SLC22A4: variants seen among roughly 807,000 people sequenced by gnomAD.
The protein encoded by SLC22A4 is ET transporter.
A neutral mutation model predicts 56.6 loss-of-function variants in SLC22A4; 39 were observed. That is an observed-to-expected ratio of 0.69 (90% CI 0.53 to 0.90). The LOEUF is 0.90. SLC22A4 is among the 40% of genes least tolerant of loss of function. The probability of loss-of-function intolerance (pLI) is 0.00; values close to 1 mark genes in which losing one functional copy is unlikely to be tolerated. For missense variants in SLC22A4, 594 were observed against 696.5 expected (o/e 0.85, Z 1.66); for synonymous variants, 241 against 281.4 (o/e 0.86, Z 1.44).
At chr5:132,333,860 C>T (rs1750937170) in intron 6 of SLC22A4, among the ~76,000 whole-genome samples, 1 of 152,060 alleles carries the variant, frequency 6.6e-6, no homozygotes, top group Non-Finnish European at 1.5e-5. Context: ...GCCTGGAGTG[C>T]AATGGTGCGA....
intron 1 of SLC22A4, among the ~76,000 whole-genome samples, chr5:132,298,353 G>A (rs527742676): frequency 2.0e-5 from 3 of 152,330 alleles, no homozygotes; most frequent in East Asian, 1.9e-4. Context: ...AGGAGACTAC[G>A]CTTAGTGAAA....
At chr5:132,328,577 AAAC>A (rs4646197) in intron 5 of SLC22A4, among the ~76,000 whole-genome samples, 12,670 of 150,172 alleles carry the variant, frequency 0.084, 657 homozygotes, top group East Asian at 0.27. Flanking sequence ...TAAATGGATA[AAAC>A]AACAACAACA....
At chr5:132,342,411 C>G (rs1392402230) in intron 9 of SLC22A4, among the ~76,000 whole-genome samples, 1 of 152,160 alleles carries the variant, frequency 6.6e-6, no homozygotes, top group Non-Finnish European at 1.5e-5. Flanking sequence ...AATTCAACAT[C>G]TTTTTTTGGC....
chr5:132,296,917 C>G (rs1290995112), intron 1 of SLC22A4, among the ~76,000 whole-genome samples: 1 of 152,194 alleles, frequency 6.6e-6, no homozygotes, highest in Non-Finnish European at 1.5e-5. Context: ...TCACAGGGAC[C>G]TCTAAGGATG....
In SLC22A4 at chr5:132,294,588, T is replaced by C. The variant is rs909118677; in HGVS notation, c.-29T>C. The stretch of plus-strand genomic sequence containing the variant: ...CTGAGAACGCTGTCATCACCCGTAG[T>C]TGCAAGTTTCGGAGCGGCAGTGGGA... On this transcript the variant is annotated 5_prime_UTR_variant, in exon 1 of 10. Coordinates refer to ENST00000200652, the MANE Select transcript of SLC22A4 (RefSeq NM_003059.3). The surrounding 1 kb of genome is among the most constrained non-coding windows in gnomAD (Gnocchi z 5.6). 1.2e-6 allele frequency: 2 copies of C among 1,613,954 alleles called. No individual in the cohort carries two copies. Among genetic ancestry groups the C allele is most frequent in the African/African-American group, 2.7e-5 (2 of 74,936 alleles).
chr5:132,325,116 T>C (rs1429553414), intron 4 of SLC22A4, among the ~76,000 whole-genome samples: 1 of 152,158 alleles, frequency 6.6e-6, no homozygotes, highest in East Asian at 1.9e-4. Context: ...AATTTCTAGC[T>C]GATTAAACAT....
rs889078678 is a variant in SLC22A4, at chr5:132,294,880, C to T, written c.264C>T (p.Thr88=). The change falls in exon 1 of 10, where the codon ACC becomes ACT. Residue 88 remains threonine, a synonymous_variant. Transcript: ENST00000200652. The surrounding 1 kb of genome is among the most constrained non-coding windows in gnomAD (Gnocchi z 5.6). ...PHSCSRYRLA[T]IANFSALGLE... ...GCTGCAGCCGCTACCGGCTCGCCAC[C>T]ATCGCCAACTTCTCGGCGCTCGGGC... 90 of 1,601,264 alleles carry T rather than the reference C, an allele frequency of 5.6e-5. No homozygotes were observed. In the African/African-American group the frequency reaches 9.9e-4, roughly 18 times the overall value.
At chr5:132,331,673 T>A in intron 5 of SLC22A4, 83 bp from the exon 6 acceptor site, 1 of 963,394 alleles carries the variant, frequency 1.0e-6, no homozygotes. Context: ...GTTGCATGCA[T>A]AAGTTTTCCC....
intron 1 of SLC22A4, 113 bp downstream of exon 1, chr5:132,295,122 C>A: frequency 8.3e-7 from 1 of 1,199,394 alleles, no homozygotes; most frequent in Non-Finnish European, 1.2e-6. Context: ...CCCCCTCAAA[C>A]CTGCTGTTCA....
chr5:132,336,037 T>C (rs748888658), intron 8 of SLC22A4, 37 bp downstream of exon 8: 14 of 1,592,958 alleles, frequency 8.8e-6, no homozygotes, highest in Non-Finnish European at 1.2e-5. Flanking sequence ...TTCCTTTAAA[T>C]TAGTTTTCAA....
intron 3 of SLC22A4, among the ~76,000 whole-genome samples, chr5:132,316,546 T>C (rs1750363176): frequency 6.6e-6 from 1 of 152,256 alleles, no homozygotes; most frequent in South Asian, 2.1e-4. Flanking sequence ...AAAGTGTTTC[T>C]GTATTTAATA....
At chr5:132,341,893 G>A (rs1352003698) in intron 9 of SLC22A4, among the ~76,000 whole-genome samples, 1 of 152,050 alleles carries the variant, frequency 6.6e-6, no homozygotes, top group African/African-American at 2.4e-5. Context: ...GTTGCAGTGA[G>A]CCGAAATCGC....
At chr5:132,304,589 C>T (rs1396205675) in intron 1 of SLC22A4, among the ~76,000 whole-genome samples, 1 of 152,080 alleles carries the variant, frequency 6.6e-6, no homozygotes, top group Non-Finnish European at 1.5e-5. Context: ...TGTACTCTAG[C>T]TTGGGCAACA....
chr5:132,319,159 G>A (rs961295886), intron 3 of SLC22A4, among the ~76,000 whole-genome samples: 2 of 151,996 alleles, frequency 1.3e-5, no homozygotes, highest in African/African-American at 4.8e-5. Context: ...AAAATTAGCC[G>A]GGCATGGTGG....
chr5:132,294,537 G>T lies in SLC22A4; in HGVS notation c.-80G>T. On this transcript the variant is annotated 5_prime_UTR_variant, in exon 1 of 10. Transcript: ENST00000200652. This position sits in a 1 kb window ranked among gnomAD's most constrained non-coding sequence, Gnocchi z 5.6. Reference sequence around the variant, plus strand: ...CCGGGAACGTTCTAACATCCTTGGGGAGCGCCCCAGCTACAAGACACTGTC... The same window carrying T: ...CCGGGAACGTTCTAACATCCTTGGGTAGCGCCCCAGCTACAAGACACTGTC... 6.3e-7 allele frequency: 1 copy of T among 1,599,812 alleles called. No individual in the cohort carries two copies. Among genetic ancestry groups the T allele is most frequent in the Admixed American group, 1.7e-5 (1 of 59,912 alleles).
intron 1 of SLC22A4, 64 bp from the exon 2 acceptor site, chr5:132,312,097 G>A (rs1265042143): frequency 5.2e-6 from 5 of 953,704 alleles, no homozygotes; most frequent in Non-Finnish European, 5.2e-6. Flanking sequence ...TTCCCTCAGA[G>A]CTGGGCTGGG....
At chr5:132,295,414 A>C in intron 1 of SLC22A4, 1 of 418,832 alleles carries the variant, frequency 2.4e-6, no homozygotes, top group African/African-American at 2.0e-5. Flanking sequence ...GCGGGGCCAA[A>C]TCTTGTCTGT....
intron 1 of SLC22A4, among the ~76,000 whole-genome samples, chr5:132,307,220 C>T (rs1750063326): frequency 1.3e-5 from 2 of 152,168 alleles, no homozygotes; most frequent in Non-Finnish European, 1.5e-5. Context: ...CTTTAAGTCA[C>T]AATCAAGTGA....
At chr5:132,332,834 C>T (rs991515170) in intron 6 of SLC22A4, among the ~76,000 whole-genome samples, 1 of 151,826 alleles carries the variant, frequency 6.6e-6, no homozygotes, top group African/African-American at 2.4e-5. Context: ...GGCCATCCTA[C>T]TTGGCAATTA....
Sources: gnomAD v4.1 joint callset for allele counts (sites outside exome capture counted in the v4.1 genomes callset) on GRCh38, gnomAD v4.1.1 for gene constraint, Gnocchi (gnomAD v3.1) non-coding constraint, MANE v1.5 for transcripts, NCBI Gene and HGNC (gene_info 2026-07-23, HGNC 2026-07-21) for gene names.